Variants in GALNT14 observed in about 807,000 individuals in gnomAD.
GALNT14 encodes the protein polypeptide N-acetylgalactosaminyltransferase 14, also known as UDP-GalNAc:polypeptide N-acetylgalactosaminyltransferase 14.
Under a neutral mutation model 77.5 loss-of-function variants are expected in GALNT14, and 60 were observed. The observed-to-expected ratio is 0.77, with a 90% CI of 0.63 to 0.96. The LOEUF is 0.96. Ranked by LOEUF, GALNT14 falls within the 40% of genes least tolerant of loss-of-function variation. The pLI is 0.00. For synonymous variants in GALNT14, 280 were observed against 281.7 expected (o/e 0.99, Z 0.06); for missense variants, 710 against 731.0 (o/e 0.97, Z 0.33).
At chr2:31,123,521 A>G (rs1678527989) in intron 1 of GALNT14, among the ~76,000 whole-genome samples, 1 of 152,178 alleles carries the variant, frequency 6.6e-6, no homozygotes, top group African/African-American at 2.4e-5. Context: ...ATGCTTTGAA[A>G]CAGCAGATGC....
chr2:31,129,737 A>C, intron 1 of GALNT14: 6 of 705,010 alleles, frequency 8.5e-6, no homozygotes, highest in Non-Finnish European at 1.0e-5. Context: ...GGTGGGAGGG[A>C]CATCAATGAT....
intron 1 of GALNT14, among the ~76,000 whole-genome samples, chr2:30,994,383 G>A (rs13014020): frequency 0.31 from 46,451 of 152,098 alleles, 7,745 homozygotes; most frequent in African/African-American, 0.43. Flanking sequence ...CTTGGCCCAC[G>A]TGGCAGGTTA....
intron 1 of GALNT14, among the ~76,000 whole-genome samples, chr2:31,007,248 G>A (rs1487758837): frequency 1.3e-5 from 2 of 152,202 alleles, no homozygotes; most frequent in Non-Finnish European, 2.9e-5. Flanking sequence ...GCAGTGGGCT[G>A]AGAAGCTGGG....
chr2:31,048,900 G>C (rs1673660634), intron 1 of GALNT14, among the ~76,000 whole-genome samples: 1 of 152,244 alleles, frequency 6.6e-6, no homozygotes. Context: ...CCAGTGCCCT[G>C]TGCCTGACCG....
At chr2:30,937,207 C>T (rs78670600) in intron 9 of GALNT14, among the ~76,000 whole-genome samples, 6,950 of 152,302 alleles carry the variant, frequency 0.046, 557 homozygotes, top group African/African-American at 0.16. Flanking sequence ...ACATAATCCT[C>T]GTTTAACAAT....
intron 1 of GALNT14, chr2:31,132,769 G>A: frequency 6.4e-6 from 3 of 470,540 alleles, no homozygotes; most frequent in South Asian, 4.7e-5. Flanking sequence ...TTGCCTGGGG[G>A]CCAGACTGCC....
Position 30,910,922 on chromosome 2 carries a change from G to T in GALNT14, c.1638C>A (p.His546Gln), listed in dbSNP as rs752251096. ...NPCESSLMSQ[H>Q]WDMVSS ...GTCCTCAAGAGCTCACCATGTCCCAGTGCTGGCTCATGAGTGAGGACTCAC... is the reference window on the plus strand; with the variant it reads ...GTCCTCAAGAGCTCACCATGTCCCATTGCTGGCTCATGAGTGAGGACTCAC... The change falls in exon 15 of 15, where the codon CAC becomes CAA. Residue 546 changes from histidine to glutamine, a missense_variant. Physicochemically the swap from His to Gln is conservative, Grantham distance 24. Transcript: ENST00000349752. 3 of 1,613,948 alleles carry T rather than the reference G, an allele frequency of 1.9e-6. No individual in the cohort carries two copies. The highest frequency in any genetic ancestry group is 1.1e-5 in the South Asian group (1 of 91,068).
At chr2:30,990,817 C>T (rs1423060454) in intron 2 of GALNT14, among the ~76,000 whole-genome samples, 1 of 152,150 alleles carries the variant, frequency 6.6e-6, no homozygotes, top group Non-Finnish European at 1.5e-5. Flanking sequence ...AGGCTCGTGC[C>T]CTGAGGCAGA....
At chr2:30,897,524 C>A in the GALNT14 span, among the ~76,000 whole-genome samples, 3 of 152,186 alleles carry the variant, frequency 2.0e-5, no homozygotes, top group Non-Finnish European at 4.4e-5. Context: ...AGAAGCAGAG[C>A]TGGAGCTGGC....
At chr2:30,968,637 T>C (rs1426265191) in intron 2 of GALNT14, among the ~76,000 whole-genome samples, 2 of 152,192 alleles carry the variant, frequency 1.3e-5, no homozygotes, top group African/African-American at 4.8e-5. Context: ...AGCCTTCAGA[T>C]GACAGTGGCT....
chr2:30,971,177 G>A (rs1313185558), intron 2 of GALNT14, among the ~76,000 whole-genome samples: 2 of 152,198 alleles, frequency 1.3e-5, no homozygotes. Flanking sequence ...GGCCCAGACA[G>A]TAGGGTTTCT....
chr2:31,117,758 G>A (rs935015791), intron 1 of GALNT14, among the ~76,000 whole-genome samples: 1 of 152,180 alleles, frequency 6.6e-6, no homozygotes, highest in Non-Finnish European at 1.5e-5. Context: ...ATGCAATAGT[G>A]GAAGATAGGC....
chr2:31,063,035 T>C (rs1291390923), intron 1 of GALNT14, among the ~76,000 whole-genome samples: 2 of 152,210 alleles, frequency 1.3e-5, no homozygotes, highest in African/African-American at 4.8e-5. Context: ...CTGATGATAG[T>C]TTCTTTTGCT....
At chr2:30,944,826 T>C (rs758672960) in intron 8 of GALNT14, 32 bp downstream of exon 8, 1 of 1,515,592 alleles carries the variant, frequency 6.6e-7, no homozygotes, top group African/African-American at 1.4e-5. Flanking sequence ...GGTGATGGTC[T>C]GCCCACCCCT....
chr2:31,043,004 C>T (rs1401854189), intron 1 of GALNT14, among the ~76,000 whole-genome samples: 2 of 152,154 alleles, frequency 1.3e-5, no homozygotes, highest in Admixed American at 6.5e-5. Flanking sequence ...CTGGATATGG[C>T]CACGGTCACC....
At chr2:30,952,176 G>GT (rs1229257746) in intron 6 of GALNT14, among the ~76,000 whole-genome samples, 1 of 152,186 alleles carries the variant, frequency 6.6e-6, no homozygotes, top group African/African-American at 2.4e-5. Context: ...CAGTATTATA[G>GT]TAACTATTTA....
intron 13 of GALNT14, among the ~76,000 whole-genome samples, chr2:30,918,730 G>A (rs1275992711): frequency 1.4e-5 from 2 of 147,296 alleles, no homozygotes; most frequent in Admixed American, 1.3e-4. Context: ...GGGCAGGGAG[G>A]GGGGTATCAG....
At chr2:31,034,322 T>C (rs1385205656) in intron 1 of GALNT14, among the ~76,000 whole-genome samples, 1 of 152,234 alleles carries the variant, frequency 6.6e-6, no homozygotes, top group African/African-American at 2.4e-5. Flanking sequence ...TTATAGTGCA[T>C]CTGGAACACT....
intron 1 of GALNT14, among the ~76,000 whole-genome samples, chr2:31,064,248 T>C (rs1201604318): frequency 6.6e-6 from 1 of 152,218 alleles, no homozygotes; most frequent in Non-Finnish European, 1.5e-5. Context: ...AACTTAAATG[T>C]AAAAGAATGT....
Sources: gnomAD v4.1 joint callset for allele counts (sites outside exome capture counted in the v4.1 genomes callset) on GRCh38, gnomAD v4.1.1 for gene constraint, MANE v1.5 for transcripts, NCBI Gene and HGNC (gene_info 2026-07-23, HGNC 2026-07-21) for gene names.